Variants in ANK2 observed in about 807,000 individuals in gnomAD.
The protein encoded by ANK2 is ankyrin-2.
A neutral mutation model predicts 360.5 loss-of-function variants in ANK2; 83 were observed. The observed-to-expected ratio is 0.23, with a 90% CI of 0.19 to 0.28. ANK2 has a LOEUF of 0.28. ANK2 is among the 10% of genes least tolerant of loss of function. The probability of loss-of-function intolerance (pLI) is 1.00; values close to 1 mark genes in which losing one functional copy is unlikely to be tolerated. For synonymous variants in ANK2, 1,740 were observed against 1,759.5 expected (o/e 0.99, Z 0.28); for missense variants, 4,201 against 4,795.7 (o/e 0.88, Z 3.66).
At chr4:112,892,623 A>T (rs2080403293) in intron 1 of ANK2, among the ~76,000 whole-genome samples, 1 of 152,234 alleles carries the variant, frequency 6.6e-6, no homozygotes, top group Non-Finnish European at 1.5e-5. Context: ...ATGAATGCTG[A>T]CATTGTCCTG....
At chr4:113,045,454 G>A (rs1293916048), upstream of ANK2, among the ~76,000 whole-genome samples, 1 of 152,140 alleles carries the variant, frequency 6.6e-6, no homozygotes, top group Non-Finnish European at 1.5e-5. Flanking sequence ...ATGAACTTAA[G>A]CTCTATATCT....
At chr4:113,132,295 A>G (rs1162756637) in intron 1 of ANK2, among the ~76,000 whole-genome samples, 1 of 151,992 alleles carries the variant, frequency 6.6e-6, no homozygotes, top group East Asian at 1.9e-4. Context: ...TTCCGTTTTT[A>G]TATGTTTTAA....
At position 113,308,924 on chromosome 4, in the gene ANK2, A is replaced by G. The variant is rs74980559; in HGVS notation, c.2549-2331A>G. On this transcript the variant is annotated intron_variant, in intron 23 of 45. Coordinates refer to ENST00000357077, the MANE Select transcript of ANK2 (RefSeq NM_001148.6). Reference sequence around the variant, plus strand: ...GGAGGCAGGGATGGGCCAGCTTTACACTAGCAGAAATCTTCTCACCCACCA... The same window carrying G: ...GGAGGCAGGGATGGGCCAGCTTTACGCTAGCAGAAATCTTCTCACCCACCA... Among the ~76,000 whole-genome samples the G allele has an allele frequency of 2.7e-3, 403 of 152,016 alleles. 1 individual carries two copies. Among genetic ancestry groups the G allele is most frequent in the African/African-American group, 8.9e-3 (370 of 41,548 alleles).
chr4:112,765,563 TC>T, the ANK2 span, among the ~76,000 whole-genome samples: 1 of 152,168 alleles, frequency 6.6e-6, no homozygotes, highest in Non-Finnish European at 1.5e-5. Flanking sequence ...TTCTTTCTAC[TC>T]ACTTAGCTCT....
At chr4:113,067,280 T>A (rs1240355160) in intron 1 of ANK2, among the ~76,000 whole-genome samples, 1 of 151,998 alleles carries the variant, frequency 6.6e-6, no homozygotes, top group Non-Finnish European at 1.5e-5. Flanking sequence ...GGGAAATTAG[T>A]CTGCTCAGGC....
rs749093363 is a variant in ANK2, at chr4:113,345,903, C to T, written c.4252C>T (p.Arg1418Cys). Residue 1418 changes from arginine to cysteine, a missense_variant, in exon 35 of 46, where the codon CGC (arginine) becomes TGC (cysteine). Arg to Cys is a radical substitution (Grantham distance 180). Transcript: ENST00000357077. Reference protein sequence around the residue: ...ENRLPLFVKVRDTTQEPCGRL... With the variant: ...ENRLPLFVKVCDTTQEPCGRL... Reference sequence around the variant, plus strand: ...ATGTATGTCTTTCTTGTTCAAGGTACGCGATACGACTCAGGAACCTTGCGG... The same window carrying T: ...ATGTATGTCTTTCTTGTTCAAGGTATGCGATACGACTCAGGAACCTTGCGG... 1.2e-5 allele frequency: 20 copies of T among 1,613,292 alleles called. No individual in the cohort carries two copies. Among genetic ancestry groups the T allele is most frequent in the South Asian group, 4.4e-5 (4 of 91,072 alleles).
At chr4:113,225,494 T>G (rs985365577) in intron 4 of ANK2, among the ~76,000 whole-genome samples, 3 of 152,098 alleles carry the variant, frequency 2.0e-5, no homozygotes, top group African/African-American at 7.2e-5. Flanking sequence ...GCCAACCAAA[T>G]GATGAATCTT....
At chr4:113,112,650 C>G (rs576050800) in intron 1 of ANK2, among the ~76,000 whole-genome samples, 1 of 152,032 alleles carries the variant, frequency 6.6e-6, no homozygotes, top group East Asian at 1.9e-4. Context: ...AGGGGTGTCC[C>G]GAGGGTAGCT....
rs374991526 is a variant in ANK2, at chr4:113,363,386, G to T, written c.10805G>T (p.Arg3602Leu). Residue 3602 changes from arginine to leucine, a missense_variant, in exon 40 of 46, where the codon CGA (arginine) becomes CTA (leucine). Transcript: ENST00000357077. ...ACTGAGGAGCAAATTCATCAAATTCGAATTGAAAATCCCAACTCTCTTCAA... is the reference window on the plus strand; with the variant it reads ...ACTGAGGAGCAAATTCATCAAATTCTAATTGAAAATCCCAACTCTCTTCAA... ...DFTEEQIHQI[R>L]IENPNSLQDQ... is the part of the protein sequence containing the mutation. 6.2e-7 allele frequency: 1 copy of T among 1,613,426 alleles called. No individual in the cohort carries two copies. The highest frequency in any genetic ancestry group is 8.5e-7 in the Non-Finnish European group (1 of 1,179,632).
At chr4:112,741,421 G>A in the ANK2 span, among the ~76,000 whole-genome samples, 3 of 152,082 alleles carry the variant, frequency 2.0e-5, no homozygotes, top group Non-Finnish European at 4.4e-5. Context: ...ACAAAGCAAA[G>A]CCTGCTCTGT....
chr4:113,176,663 G>A (rs1436351382), intron 2 of ANK2, among the ~76,000 whole-genome samples: 1 of 151,370 alleles, frequency 6.6e-6, no homozygotes, highest in African/African-American at 2.4e-5. Context: ...AAGTTCTAGG[G>A]TTCATGTGCA....
At chr4:112,967,686 G>C (rs142025574) in intron 2 of ANK2, among the ~76,000 whole-genome samples, 1 of 152,060 alleles carries the variant, frequency 6.6e-6, no homozygotes, top group Non-Finnish European at 1.5e-5. Flanking sequence ...TGTCAAATCC[G>C]TATATTTTTG....
the ANK2 span, among the ~76,000 whole-genome samples, chr4:112,742,371 G>A: frequency 1.2e-4 from 18 of 151,708 alleles, no homozygotes; most frequent in Admixed American, 9.2e-4. Flanking sequence ...TTGGCACAGT[G>A]TCTTCAAACT....
intron 1 of ANK2, among the ~76,000 whole-genome samples, chr4:113,172,481 T>G (rs985131499): frequency 6.6e-6 from 1 of 152,206 alleles, no homozygotes; most frequent in African/African-American, 2.4e-5. Flanking sequence ...TTTCTAAATC[T>G]CTTTCCTCAT....
chr4:113,245,275 T>C (rs1048922022), intron 9 of ANK2, among the ~76,000 whole-genome samples: 2 of 152,218 alleles, frequency 1.3e-5, no homozygotes, highest in African/African-American at 4.8e-5. Context: ...ATTCTGGAAC[T>C]ATAATATTTG....
At chr4:113,011,245 T>C (rs2054615148) in intron 2 of ANK2, among the ~76,000 whole-genome samples, 1 of 152,070 alleles carries the variant, frequency 6.6e-6, no homozygotes, top group South Asian at 2.1e-4. Context: ...ATGTTTAAGC[T>C]GGGATAAATG....
chr4:112,827,131 C>A, intron 1 of ANK2: 1 of 1,075,654 alleles, frequency 9.3e-7, no homozygotes, highest in Non-Finnish European at 1.5e-6. Context: ...AATTGCTCAG[C>A]ATTGAATGAC....
intron 4 of ANK2, among the ~76,000 whole-genome samples, chr4:113,204,860 C>A (rs2098921843): frequency 6.6e-6 from 1 of 152,144 alleles, no homozygotes; most frequent in Non-Finnish European, 1.5e-5. Flanking sequence ...TTCAGGTGTA[C>A]TGGGAGGGCG....
chr4:113,375,000 AT>A, intron 45 of ANK2: 1 of 977,188 alleles, frequency 1.0e-6, no homozygotes, highest in Non-Finnish European at 1.3e-6. Context: ...GTTGCTTTGC[AT>A]TTGAAAAGAA....
Sources: gnomAD v4.1 joint callset for allele counts (sites outside exome capture counted in the v4.1 genomes callset) on GRCh38, gnomAD v4.1.1 for gene constraint, MANE v1.5 for transcripts, NCBI Gene and HGNC (gene_info 2026-07-23, HGNC 2026-07-21) for gene names.